PIGG: variants seen among roughly 807,000 people sequenced by gnomAD.
PIGG encodes the protein phosphatidylinositol glycan anchor biosynthesis class G (EMM blood group), also known as GPI ethanolamine phosphate transferase 2, catalytic subunit.
PIGG carries 70 observed loss-of-function variants against 83.2 expected under a neutral mutation model. That is an observed-to-expected ratio of 0.84 (90% CI 0.69 to 1.03). PIGG has a LOEUF of 1.03. PIGG is among the 50% of genes least tolerant of loss of function. PIGG has a pLI of 0.00. For missense variants in PIGG, 1,257 were observed against 1,233.6 expected, an observed-to-expected ratio of 1.02 and a Z score of -0.28; for synonymous variants, 532 against 519.5, an observed-to-expected ratio of 1.02 and a Z score of -0.33.
intron 11 of PIGG, chr4:531,511 C>T (rs1729060897): frequency 6.5e-6 from 1 of 152,722 alleles, no homozygotes; most frequent in African/African-American, 2.4e-5. Flanking sequence ...GTCTCGTACC[C>T]AGGAGGCATG....
chr4:516,720 G>A (rs541483089), intron 6 of PIGG, among the ~76,000 whole-genome samples: 12 of 152,168 alleles, frequency 7.9e-5, no homozygotes, highest in Admixed American at 5.9e-4. Context: ...GCCAGGCATG[G>A]TGGCGGGCAC....
chr4:527,521 G>A, intron 10 of PIGG: 1 of 1,163,916 alleles, frequency 8.6e-7, no homozygotes, highest in Non-Finnish European at 1.1e-6. Flanking sequence ...AAAACCTTCA[G>A]GGTGTGTGAT....
At chr4:519,359 C>T (rs928961418) in intron 6 of PIGG, among the ~76,000 whole-genome samples, 7 of 152,210 alleles carry the variant, frequency 4.6e-5, no homozygotes, top group Admixed American at 3.3e-4. Context: ...ATATTTGTTT[C>T]GATGCATGCA....
chr4:499,637 G>C (rs1716821845), intron 1 of PIGG, 148 bp downstream of exon 1: 1 of 1,418,250 alleles, frequency 7.1e-7, no homozygotes, highest in Admixed American at 2.9e-5. Flanking sequence ...TTTTTTAACC[G>C]CTCCAGCGTC....
chr4:523,963 G>A lies in PIGG; in HGVS notation c.2069+50G>A, dbSNP rs1447312939. ...AGGCCAGACTTTCTACGGCCGATTG[G>A]TCACCTGCCAAGCTCTTCTTTTTCT... On this transcript the variant is annotated intron_variant, in intron 9 of 12. Coordinates refer to ENST00000453061, the MANE Select transcript of PIGG (RefSeq NM_001127178.3). 2.5e-6 allele frequency: 3 copies of A among 1,178,688 alleles called. No individual in the cohort carries two copies. In the Admixed American group the frequency reaches 8.9e-5, roughly 35 times the overall value. The allele number at this position is 1,178,688 out of a possible 1,614,324, so 73.0% of individuals were successfully genotyped here. A position where few individuals can be genotyped will look rare whatever the true frequency, so the allele number is the denominator to read the frequency against.
At chr4:508,651 G>A (rs1415463477) in intron 4 of PIGG, among the ~76,000 whole-genome samples, 178 bp from the exon 5 acceptor site, 1 of 152,174 alleles carries the variant, frequency 6.6e-6, no homozygotes, top group Admixed American at 6.5e-5. Flanking sequence ...CTTCATTTAT[G>A]GCATTATTTG....
chr4:538,182 C>A (rs1184199614), intron 12 of PIGG, among the ~76,000 whole-genome samples: 1 of 152,176 alleles, frequency 6.6e-6, no homozygotes, highest in Non-Finnish European at 1.5e-5. Flanking sequence ...CGGGCCCTTT[C>A]TAACAGAACT....
At position 533,837 on chromosome 4, in the gene PIGG, C is replaced by G. The variant is rs761351190; in HGVS notation, c.2591C>G (p.Ala864Gly). 1.2e-4 allele frequency: 195 copies of G among 1,614,078 alleles called. No individual in the cohort carries two copies. Among genetic ancestry groups the G allele is most frequent in the Non-Finnish European group, 9.0e-5 (106 of 1,180,004 alleles). The change falls in exon 12 of 13, where the codon GCC (alanine) becomes GGC (glycine). Residue 864 changes from alanine to glycine, a missense_variant. Transcript: ENST00000453061. ...FYFQGNSNNI[A>G]TVDISAGFVG... ...TTCCAGGGCAACTCCAACAACATTG[C>G]CACCGTGGACATCTCCGCAGGCTTC... is the stretch of plus-strand genomic sequence containing the variant.
intron 5 of PIGG, among the ~76,000 whole-genome samples, chr4:510,814 C>T (rs1721638824): frequency 6.6e-6 from 1 of 152,146 alleles, no homozygotes; most frequent in East Asian, 1.9e-4. Context: ...TACTCTTCTG[C>T]AGCCACCTTC....
At chr4:517,258 C>T (rs1490666751) in intron 6 of PIGG, among the ~76,000 whole-genome samples, 3 of 152,070 alleles carry the variant, frequency 2.0e-5, no homozygotes, top group Non-Finnish European at 2.9e-5. Context: ...AGTGGCTGTA[C>T]TTCTGTGAGA....
At chr4:513,111 G>C (rs781870485) in intron 5 of PIGG, among the ~76,000 whole-genome samples, 80 of 152,342 alleles carry the variant, frequency 5.3e-4, no homozygotes, top group Non-Finnish European at 9.1e-4. Context: ...CCAAGGCCTA[G>C]TGGATTTTCT....
At chr4:512,740 G>A (rs985672553) in intron 5 of PIGG, among the ~76,000 whole-genome samples, 30 of 152,026 alleles carry the variant, frequency 2.0e-4, no homozygotes, top group East Asian at 1.4e-3. Context: ...ACTTGAACCC[G>A]GGAGGCAGAG....
Position 533,888 on chromosome 4 carries a change from T to C in PIGG, c.2642T>C (p.Ile881Thr), listed in dbSNP as rs34623004. 226,190 of 1,613,934 alleles carry C rather than the reference T, an allele frequency of 0.14. 18,023 individuals carry two copies. Among genetic ancestry groups the C allele is most frequent in the African/African-American group, 0.33 (24,447 of 74,986 alleles). Residue 881 changes from isoleucine to threonine, a missense_variant, in exon 12 of 13, where the codon ATC (isoleucine) becomes ACC (threonine). By Grantham distance (89) the Ile-to-Thr change is moderately conservative (BLOSUM62 -1). Transcript: ENST00000453061. ...GTGGGCTTAGACACCTACGTGGAAA[T>C]CCCAGCCGTGCTCCTGACAGCGTTT... Reference protein sequence around the residue: ...GFVGLDTYVEIPAVLLTAFGT... With the variant: ...GFVGLDTYVETPAVLLTAFGT...
rs555584867 is a variant in PIGG at position 528,601 on chromosome 4, T to G, written c.2261+1371T>G. 2.9e-5 allele frequency: 29 copies of G among 985,328 alleles called. No homozygotes were observed. The East Asian group carries it at 2.7e-3, about 93-fold the overall frequency. The allele number at this position is 985,328 out of a possible 1,614,324, so 61.0% of individuals were successfully genotyped here. A position where few individuals can be genotyped will look rare whatever the true frequency, so the allele number is the denominator to read the frequency against. On this transcript the variant is annotated intron_variant, in intron 10 of 12. Transcript: ENST00000453061. The surrounding 1 kb of genome is among the most constrained non-coding windows in gnomAD (Gnocchi z 4.8). ...ACGTGCAGGTACCAGCGGTGTTCTG[T>G]GGAGATGTCTCAAAGGCTGTTGACT...
At chr4:507,915 TTCTGTTCTGTGTCACTC>T (rs1188792563) in intron 4 of PIGG, among the ~76,000 whole-genome samples, 31 of 151,486 alleles carry the variant, frequency 2.0e-4, no homozygotes, top group African/African-American at 4.6e-4. Context: ...CTGTGTCACT[TTCTGTTCTGTGTCACTC>T]TCTGTTCTGT....
At position 513,294 on chromosome 4, in the gene PIGG, A is replaced by G. The variant is rs1327279982; in HGVS notation, c.902-2679A>G. Among the ~76,000 whole-genome samples the G allele has an allele frequency of 2.0e-5, 3 of 152,230 alleles. No homozygotes were observed. In the East Asian group the frequency reaches 5.8e-4, roughly 29 times the overall value. On this transcript the variant is annotated intron_variant, in intron 5 of 12. Transcript: ENST00000453061. ...ATAGTTCTGAAGGATTTTTATCTTAAAAATGCACGGAAATTTTTGTTTTGT... is the reference window on the plus strand; with the variant it reads ...ATAGTTCTGAAGGATTTTTATCTTAGAAATGCACGGAAATTTTTGTTTTGT...
intron 10 of PIGG, 71 bp downstream of exon 10, chr4:527,301 G>T (rs1024407562): frequency 8.9e-6 from 13 of 1,467,802 alleles, no homozygotes; most frequent in Non-Finnish European, 1.1e-5. Flanking sequence ...CACGGGGCGC[G>T]TGGAACCACT....
chr4:524,503 AAGAG>A (rs1727027429), intron 9 of PIGG: 1 of 152,536 alleles, frequency 6.6e-6, no homozygotes, highest in African/African-American at 2.4e-5. Flanking sequence ...GAGCAGGAGA[AAGAG>A]AGGGATGAGG....
At chr4:508,073 T>C (rs1553880950) in intron 4 of PIGG, among the ~76,000 whole-genome samples, 1 of 152,202 alleles carries the variant, frequency 6.6e-6, no homozygotes. Flanking sequence ...GTCCATGCAT[T>C]TGGGTGCATC....
Sources: gnomAD v4.1 joint callset for allele counts (sites outside exome capture counted in the v4.1 genomes callset) on GRCh38, gnomAD v4.1.1 for gene constraint, Gnocchi (gnomAD v3.1) non-coding constraint, MANE v1.5 for transcripts, NCBI Gene and HGNC (gene_info 2026-07-23, HGNC 2026-07-21) for gene names.